The following KCNIP4 variants were observed in gnomAD, a reference collection of about 807,000 sequenced individuals.
The protein encoded by KCNIP4 is potassium voltage-gated channel interacting protein 4.
In KCNIP4, 12 loss-of-function variants were observed where a neutral mutation model predicts 34.0. The observed-to-expected ratio is 0.35, with a 90% confidence interval of 0.23 to 0.57. KCNIP4 has a LOEUF of 0.57. Among genes scored for constraint, KCNIP4 ranks in the 20% least tolerant of loss-of-function variants. The pLI is 0.83. For synonymous variants in KCNIP4, 124 were observed against 102.2 expected (o/e 1.21, Z -1.29); for missense variants, 238 against 311.7 (o/e 0.76, Z 1.78).
chr4:20,780,354 C>G (rs1390336678), intron 3 of KCNIP4, among the ~76,000 whole-genome samples: 1 of 152,018 alleles, frequency 6.6e-6, no homozygotes. Context: ...TTTAAAGAGT[C>G]AAAAAACACT....
At chr4:21,571,542 T>C (rs576780368) in intron 1 of KCNIP4, among the ~76,000 whole-genome samples, 34 of 152,274 alleles carry the variant, frequency 2.2e-4, no homozygotes, top group Non-Finnish European at 4.3e-4. Context: ...TGAACTAGCA[T>C]TTTCTTGCCA....
intron 1 of KCNIP4, among the ~76,000 whole-genome samples, chr4:21,172,836 C>T (rs1455889998): frequency 6.6e-6 from 1 of 152,166 alleles, no homozygotes; most frequent in Non-Finnish European, 1.5e-5. Flanking sequence ...ATCATACAGA[C>T]CCCACTCCGG....
At chr4:21,316,383 C>T (rs544245929) in intron 1 of KCNIP4, 5 of 152,212 alleles carry the variant, frequency 3.3e-5, no homozygotes, top group Non-Finnish European at 7.4e-5. Context: ...GAATGGCATG[C>T]TATCTGGAGG....
intron 1 of KCNIP4, among the ~76,000 whole-genome samples, chr4:21,800,667 T>C (rs34708714): frequency 0.073 from 11,159 of 152,142 alleles, 510 homozygotes; most frequent in Middle Eastern, 0.14. Context: ...CACATGATGA[T>C]CTAAAAAGAA....
At chr4:21,653,049 G>A (rs904350258) in intron 1 of KCNIP4, among the ~76,000 whole-genome samples, 4 of 152,180 alleles carry the variant, frequency 2.6e-5, no homozygotes, top group Non-Finnish European at 5.9e-5. Context: ...CAGACTTCAA[G>A]AGCACCAGAC....
chr4:21,654,041 AT>A (rs1747717767), intron 1 of KCNIP4, among the ~76,000 whole-genome samples: 1 of 152,232 alleles, frequency 6.6e-6, no homozygotes, highest in South Asian at 2.1e-4. Flanking sequence ...ACCTATTTAT[AT>A]CCTAGGATAG....
At chr4:21,366,473 T>C (rs1719776515) in intron 1 of KCNIP4, among the ~76,000 whole-genome samples, 1 of 152,166 alleles carries the variant, frequency 6.6e-6, no homozygotes, top group Non-Finnish European at 1.5e-5. Context: ...CTCAAGATTC[T>C]TGCTCTGGCA....
At chr4:21,790,656 A>G (rs570794123) in intron 1 of KCNIP4, among the ~76,000 whole-genome samples, 1 of 152,232 alleles carries the variant, frequency 6.6e-6, no homozygotes, top group Non-Finnish European at 1.5e-5. Context: ...CAAACTTAAA[A>G]TTTCCACACT....
At chr4:21,340,349 A>G (rs907428593) in intron 1 of KCNIP4, among the ~76,000 whole-genome samples, 6 of 152,176 alleles carry the variant, frequency 3.9e-5, no homozygotes, top group Admixed American at 3.3e-4. Context: ...GTCAGTATTA[A>G]CCAGATTATT....
intron 1 of KCNIP4, among the ~76,000 whole-genome samples, chr4:21,091,917 C>G (rs977608094): frequency 1.3e-5 from 2 of 152,190 alleles, no homozygotes; most frequent in African/African-American, 4.8e-5. Flanking sequence ...AACCAACATT[C>G]AGTCCATAAG....
At position 20,728,722 on chromosome 4, in the gene KCNIP4, C is replaced by CTTAAT. The variant is rs1452924319; in HGVS notation, c.*1355_*1359dup. 6.6e-6 allele frequency: 1 copy of CTTAAT among 152,562 alleles called. No individual in the cohort carries two copies. The highest frequency in any genetic ancestry group is 1.9e-4 in the East Asian group (1 of 5,182). 9.5% of individuals were successfully genotyped at this position (152,562 alleles called of 1,614,324 possible). Reference sequence around the variant, plus strand: ...TTCAGTGTACATGTATTGTACTACTCTTAATTTCTACACTGGTGATAGCAG... The same window carrying CTTAAT: ...TTCAGTGTACATGTATTGTACTACTCTTAATTTAATTTCTACACTGGTGATAGCAG... On this transcript the variant is annotated 3_prime_UTR_variant, in exon 9 of 9. Coordinates refer to ENST00000382152, the MANE Select transcript of KCNIP4 (RefSeq NM_025221.6).
intron 3 of KCNIP4, among the ~76,000 whole-genome samples, chr4:20,783,282 C>T (rs1269047734): frequency 6.6e-6 from 1 of 152,194 alleles, no homozygotes; most frequent in African/African-American, 2.4e-5. Context: ...GTTCCTACGT[C>T]ACTTCCACAT....
At chr4:21,739,391 T>C (rs1439953202) in intron 1 of KCNIP4, among the ~76,000 whole-genome samples, 1 of 152,098 alleles carries the variant, frequency 6.6e-6, no homozygotes, top group Non-Finnish European at 1.5e-5. Context: ...TCTTCAGGAT[T>C]TGAAAATTGA....
intron 1 of KCNIP4, among the ~76,000 whole-genome samples, chr4:21,819,851 A>T (rs1015171226): frequency 6.6e-6 from 1 of 152,110 alleles, no homozygotes; most frequent in Admixed American, 6.6e-5. Flanking sequence ...ATTATGAGAC[A>T]GTCCTTTTTG....
In KCNIP4 at chr4:21,869,183, G is replaced by A. The variant is rs370434145; in HGVS notation, c.61+79388C>T. Among the ~76,000 whole-genome samples the A allele has an allele frequency of 1.1e-3, 165 of 152,086 alleles. 5 individuals carry two copies. In the South Asian group the frequency reaches 0.033, roughly 30 times the overall value. On this transcript the variant is annotated intron_variant, in intron 1 of 8. Transcript: ENST00000382152. Reference sequence around the variant, plus strand: ...TGAGCATCCTGGGGGAGGGAGCCTCGATTTTCTTATCATTTCTACCCCAAT... The same window carrying A: ...TGAGCATCCTGGGGGAGGGAGCCTCAATTTTCTTATCATTTCTACCCCAAT...
At chr4:21,095,052 G>A (rs953614603) in intron 1 of KCNIP4, among the ~76,000 whole-genome samples, 2 of 152,188 alleles carry the variant, frequency 1.3e-5, no homozygotes, top group African/African-American at 2.4e-5. Flanking sequence ...GAAACTGATT[G>A]GATGTGAAGG....
chr4:21,296,164 C>G (rs139934629), intron 1 of KCNIP4, among the ~76,000 whole-genome samples: 1 of 152,020 alleles, frequency 6.6e-6, no homozygotes, highest in African/African-American at 2.4e-5. Flanking sequence ...GTTTTAAGAA[C>G]GGAAATGAAT....
At chr4:21,237,201 T>C (rs1178316895) in intron 1 of KCNIP4, among the ~76,000 whole-genome samples, 1 of 152,144 alleles carries the variant, frequency 6.6e-6, no homozygotes, top group Non-Finnish European at 1.5e-5. Context: ...AAAGATTACT[T>C]GATGCCAGAA....
At chr4:21,383,993 C>G (rs1721779693) in intron 1 of KCNIP4, among the ~76,000 whole-genome samples, 1 of 152,136 alleles carries the variant, frequency 6.6e-6, no homozygotes, top group Non-Finnish European at 1.5e-5. Context: ...TACCTCACCC[C>G]ATCCCCAGCC....
Sources: gnomAD v4.1 joint callset for allele counts (sites outside exome capture counted in the v4.1 genomes callset) on GRCh38, gnomAD v4.1.1 for gene constraint, MANE v1.5 for transcripts, NCBI Gene and HGNC (gene_info 2026-07-23, HGNC 2026-07-21) for gene names.